ALK: variants seen among roughly 807,000 people sequenced by gnomAD.
The protein encoded by ALK is ALK receptor tyrosine kinase.
ALK carries 74 observed loss-of-function variants against 163.1 expected under a neutral mutation model. The observed-to-expected ratio is 0.45, with a 90% confidence interval of 0.38 to 0.55. The LOEUF (loss-of-function observed/expected upper bound fraction) is 0.55, where lower values mean the gene tolerates loss of function less well. ALK is among the 20% of genes least tolerant of loss of function. ALK has a pLI of 0.00. For missense variants in ALK, 2,063 were observed against 2,105.3 expected, an observed-to-expected ratio of 0.98 and a Z score of 0.39; for synonymous variants, 960 against 843.2, an observed-to-expected ratio of 1.14 and a Z score of -2.40.
chr2:29,516,488 C>A (rs1046093868), intron 4 of ALK, among the ~76,000 whole-genome samples: 1 of 152,180 alleles, frequency 6.6e-6, no homozygotes, highest in Admixed American at 6.5e-5. Context: ...GGGAGATGGT[C>A]TCTTCTCACG....
intron 1 of ALK, among the ~76,000 whole-genome samples, chr2:29,914,189 A>C (rs1042803665): frequency 1.3e-5 from 2 of 152,188 alleles, no homozygotes; most frequent in Non-Finnish European, 2.9e-5. Context: ...TAAATACCAC[A>C]CTTCAATCCT....
chr2:29,647,733 T>C (rs1676920312), intron 3 of ALK, among the ~76,000 whole-genome samples: 1 of 151,356 alleles, frequency 6.6e-6, no homozygotes, highest in Non-Finnish European at 1.5e-5. Context: ...GAGAAGTGTT[T>C]CATCTACCAT....
intron 4 of ALK, among the ~76,000 whole-genome samples, chr2:29,527,206 AT>A (rs1288338628): frequency 6.6e-6 from 1 of 152,210 alleles, no homozygotes; most frequent in Admixed American, 6.5e-5. Flanking sequence ...ATACCTCCTG[AT>A]GGCCACAAAT....
At chr2:29,581,327 G>T (rs1050498839) in intron 3 of ALK, among the ~76,000 whole-genome samples, 5 of 152,200 alleles carry the variant, frequency 3.3e-5, no homozygotes, top group African/African-American at 9.6e-5. Flanking sequence ...GGTGGAGGTT[G>T]CAGTGAGCCG....
chr2:29,816,430 CCTT>C (rs1207979998), intron 1 of ALK, among the ~76,000 whole-genome samples: 1 of 152,104 alleles, frequency 6.6e-6, no homozygotes, highest in African/African-American at 2.4e-5. Flanking sequence ...ATCCAATAGA[CCTT>C]ATTATTATTA....
At chr2:29,257,948 A>G (rs1664990674) in intron 11 of ALK, among the ~76,000 whole-genome samples, 1 of 152,136 alleles carries the variant, frequency 6.6e-6, no homozygotes, top group Non-Finnish European at 1.5e-5. Context: ...AAGCGATCCT[A>G]CCACCTCAGA....
chr2:29,282,336 A>G (rs1434712117), intron 9 of ALK, among the ~76,000 whole-genome samples: 1 of 152,210 alleles, frequency 6.6e-6, no homozygotes, highest in African/African-American at 2.4e-5. Flanking sequence ...GTGAAGAAAA[A>G]GCCCTGCCAC....
At chr2:29,659,496 CTT>C (rs1677283589) in intron 3 of ALK, among the ~76,000 whole-genome samples, 1 of 152,136 alleles carries the variant, frequency 6.6e-6, no homozygotes, top group African/African-American at 2.4e-5. Context: ...TGGTCACACA[CTT>C]TCTGTGAGCA....
At chr2:29,645,158 G>C (rs1676835931) in intron 3 of ALK, among the ~76,000 whole-genome samples, 1 of 152,138 alleles carries the variant, frequency 6.6e-6, no homozygotes, top group African/African-American at 2.4e-5. Context: ...GTGGTAGTGG[G>C]TAAGTGCATC....
At chr2:29,577,463 C>T (rs112033369) in intron 3 of ALK, among the ~76,000 whole-genome samples, 3,337 of 152,244 alleles carry the variant, frequency 0.022, 131 homozygotes, top group African/African-American at 0.076. Context: ...AGGAATGTGT[C>T]TAATTGCCTT....
At position 29,532,031 on chromosome 2, in the gene ALK, T is replaced by G. The variant is rs1345871887; in HGVS notation, c.1038A>C (p.Thr346=). The G allele has an allele frequency of 1.9e-6, 3 of 1,613,144 alleles. No individual in the cohort carries two copies. Among genetic ancestry groups the G allele is most frequent in the South Asian group, 1.1e-5 (1 of 90,968 alleles). Residue 346 remains threonine, a synonymous_variant, in exon 4 of 29, where the codon ACA becomes ACC. Transcript: ENST00000389048. ...GGTGCCTGTGCACCGAGACGGCCAG[T>G]GTGCAGTGCTCACTGCTGCTCCTCA... ...PWMRSSSEHC[T]LAVSVHRHLQ...
intron 4 of ALK, among the ~76,000 whole-genome samples, chr2:29,419,050 T>A (rs1051925626): frequency 6.6e-6 from 1 of 151,302 alleles, no homozygotes; most frequent in African/African-American, 2.5e-5. Context: ...TATTTTATTT[T>A]TTATTTTACT....
chr2:29,918,560 C>T (rs922090515), intron 1 of ALK, among the ~76,000 whole-genome samples: 2 of 152,186 alleles, frequency 1.3e-5, no homozygotes, highest in African/African-American at 4.8e-5. Flanking sequence ...AAAGGGCTCA[C>T]TTTAGGTGCC....
chr2:29,224,888 A>C (rs936643076), intron 19 of ALK, among the ~76,000 whole-genome samples: 1 of 152,150 alleles, frequency 6.6e-6, no homozygotes, highest in African/African-American at 2.4e-5. Flanking sequence ...GCCCTTTTCA[A>C]GCCTCTGCCC....
chr2:29,814,740 G>A (rs1664851427), intron 1 of ALK, among the ~76,000 whole-genome samples: 1 of 151,962 alleles, frequency 6.6e-6, no homozygotes, highest in Admixed American at 6.6e-5. Context: ...TTTACTAGTT[G>A]CATGAATTTG....
intron 1 of ALK, among the ~76,000 whole-genome samples, chr2:29,844,268 T>G (rs1447487394): frequency 6.6e-6 from 1 of 152,082 alleles, no homozygotes; most frequent in Non-Finnish European, 1.5e-5. Flanking sequence ...CTCTCAGAGG[T>G]GCTGTTGCGT....
At chr2:29,740,154 A>T (rs1335066291) in intron 1 of ALK, among the ~76,000 whole-genome samples, 1 of 152,096 alleles carries the variant, frequency 6.6e-6, no homozygotes, top group Non-Finnish European at 1.5e-5. Context: ...TCTACTTCTG[A>T]CATTGAGAAG....
intron 3 of ALK, among the ~76,000 whole-genome samples, chr2:29,650,271 C>G (rs1035753552): frequency 5.3e-5 from 8 of 152,152 alleles, no homozygotes; most frequent in Admixed American, 1.3e-4. Flanking sequence ...GTGACCAGAC[C>G]CCATCCTGAA....
At chr2:29,608,707 TGTGACCAAGAA>T (rs978644235) in intron 3 of ALK, among the ~76,000 whole-genome samples, 47 of 152,308 alleles carry the variant, frequency 3.1e-4, no homozygotes, top group Admixed American at 3.0e-3. Flanking sequence ...AATGACCAGT[TGTGACCAAGAA>T]GATGTTTGTC....
Sources: allele counts gnomAD v4.1 joint callset (sites outside exome capture counted in the v4.1 genomes callset), GRCh38; gene constraint gnomAD v4.1.1; transcripts MANE v1.5; gene names NCBI Gene and HGNC (gene_info 2026-07-23, HGNC 2026-07-21).